Variants in APBB2 observed in about 807,000 individuals in gnomAD.
APBB2 encodes amyloid beta precursor protein binding family B member 2.
APBB2 carries 38 observed loss-of-function variants against 82.5 expected under a neutral mutation model. The ratio of observed to expected loss-of-function variants is 0.46; its 90% CI spans 0.36 to 0.60. The LOEUF is 0.60. Among genes scored for constraint, APBB2 ranks in the 20% least tolerant of loss-of-function variants. The pLI is 0.00. For synonymous variants in APBB2, 341 were observed against 368.2 expected (o/e 0.93, Z 0.85); for missense variants, 772 against 972.3 (o/e 0.79, Z 2.74).
intron 12 of APBB2, among the ~76,000 whole-genome samples, chr4:40,854,647 T>C (rs899958520): frequency 6.6e-6 from 1 of 151,658 alleles, no homozygotes; most frequent in Non-Finnish European, 1.5e-5. Context: ...AAATTAGCCA[T>C]GTGTGGTGGC....
intron 12 of APBB2, among the ~76,000 whole-genome samples, chr4:40,876,344 C>T (rs982382678): frequency 2.6e-5 from 4 of 152,196 alleles, no homozygotes; most frequent in African/African-American, 4.8e-5. Flanking sequence ...TTCTTCCTGC[C>T]TCGTTATAAT....
intron 1 of APBB2, among the ~76,000 whole-genome samples, chr4:41,179,665 C>T (rs902530129): frequency 6.6e-6 from 1 of 152,160 alleles, no homozygotes; most frequent in Non-Finnish European, 1.5e-5. Flanking sequence ...CAATTAAATG[C>T]TGGTACAAGA....
intron 6 of APBB2, among the ~76,000 whole-genome samples, chr4:41,010,971 A>T (rs778646819): frequency 1.3e-5 from 2 of 152,030 alleles, no homozygotes; most frequent in African/African-American, 4.8e-5. Flanking sequence ...TCTAATCCCA[A>T]TTATTTTGGA....
At chr4:41,191,145 A>AT (rs1774322149) in intron 1 of APBB2, among the ~76,000 whole-genome samples, 1 of 152,196 alleles carries the variant, frequency 6.6e-6, no homozygotes, top group Non-Finnish European at 1.5e-5. Context: ...GACTGATAAA[A>AT]TATTTCACTC....
chr4:41,001,261 A>G (rs1246880328), intron 6 of APBB2, among the ~76,000 whole-genome samples: 1 of 152,180 alleles, frequency 6.6e-6, no homozygotes, highest in Non-Finnish European at 1.5e-5. Context: ...AACACTCTTC[A>G]TGTCTGTTAG....
chr4:40,880,307 A>G (rs1768105930), intron 12 of APBB2: 1 of 985,426 alleles, frequency 1.0e-6, no homozygotes, highest in Non-Finnish European at 1.2e-6. Flanking sequence ...TTTCCCAGTG[A>G]CGAACTGTGC....
rs569224765 is a variant in APBB2, at chr4:41,069,475, T to C, written c.-148-3802A>G. On this transcript the variant is annotated intron_variant, in intron 3 of 17. Transcript: ENST00000508593. ...AGACAGCCTTTGTGATCTCAAAAAC[T>C]CTAAGACTGCTCTGCGGTTTGTCTA... 3.6e-4 allele frequency among the ~76,000 whole-genome samples: 55 copies of C among 152,278 alleles called. 1 individual carries two copies. In the South Asian group the frequency reaches 0.011, roughly 31 times the overall value.
At chr4:41,176,772 G>A (rs1033852923) in intron 1 of APBB2, among the ~76,000 whole-genome samples, 5 of 151,960 alleles carry the variant, frequency 3.3e-5, no homozygotes, top group African/African-American at 1.2e-4. Context: ...ACACAAGACA[G>A]CTTATTTCAT....
intron 1 of APBB2, among the ~76,000 whole-genome samples, chr4:41,198,715 C>A (rs78002397): frequency 6.6e-6 from 1 of 152,160 alleles, no homozygotes; most frequent in South Asian, 2.1e-4. Context: ...TATTCTCTCT[C>A]GGTTCTAGAA....
At chr4:41,028,236 G>A (rs146258150) in intron 5 of APBB2, among the ~76,000 whole-genome samples, 1 of 152,360 alleles carries the variant, frequency 6.6e-6, no homozygotes, top group East Asian at 1.9e-4. Flanking sequence ...AGATACCTAT[G>A]GAGCGCAGAG....
At position 40,893,425 on chromosome 4, in the gene APBB2, A is replaced by C; in HGVS notation, c.1255-14T>G. The stretch of plus-strand genomic sequence containing the variant: ...CACAGCAAAACACTGGAAGACAGTG[A>C]AAGAGGACAAGAAGTCACTCCATGG... On this transcript the variant is annotated splice_polypyrimidine_tract_variant and intron_variant, in intron 10 of 17. Coordinates refer to ENST00000508593, the MANE Select transcript of APBB2 (RefSeq NM_004307.2). 1 of 1,599,978 alleles carries C rather than the reference A, an allele frequency of 6.3e-7. No individual in the cohort carries two copies. The highest frequency in any genetic ancestry group is 8.5e-7 in the Non-Finnish European group (1 of 1,171,694).
chr4:40,973,267 C>G (rs1176419992), intron 6 of APBB2, among the ~76,000 whole-genome samples: 1 of 152,174 alleles, frequency 6.6e-6, no homozygotes, highest in Non-Finnish European at 1.5e-5. Flanking sequence ...GATATTAACA[C>G]CCCAGCTTCC....
rs1193197310 is a variant in APBB2 at position 40,811,685 on chromosome 4, G to A, written c.*4407C>T. The A allele has an allele frequency of 6.6e-6, 1 of 152,230 alleles. No individual in the cohort carries two copies. The highest frequency in any genetic ancestry group is 2.4e-5 in the African/African-American group (1 of 41,528). 9.4% of individuals were successfully genotyped at this position (152,230 alleles called of 1,614,324 possible). A position where few individuals can be genotyped will look rare whatever the true frequency, so the allele number is the denominator to read the frequency against. On this transcript the variant is annotated 3_prime_UTR_variant, in exon 18 of 18. Transcript: ENST00000508593. ...AAAATTCTAAATAATGAAATTACTAGTATTCAGATACTCCAATAGCAAACA... is the reference window on the plus strand; with the variant it reads ...AAAATTCTAAATAATGAAATTACTAATATTCAGATACTCCAATAGCAAACA...
chr4:40,902,518 C>A (rs186670581), intron 10 of APBB2, among the ~76,000 whole-genome samples: 13 of 152,176 alleles, frequency 8.5e-5, no homozygotes, highest in Admixed American at 8.5e-4. Flanking sequence ...GAAAGTCTGA[C>A]CCAGGTTTTT....
At chr4:40,881,574 CCGAGGCTGG>C (rs571392652) in intron 12 of APBB2, among the ~76,000 whole-genome samples, 3 of 128,934 alleles carry the variant, frequency 2.3e-5, no homozygotes, top group South Asian at 5.6e-4. Flanking sequence ...CGCTCTGTCA[CCGAGGCTGG>C]AATGCAGCAG....
intron 12 of APBB2, among the ~76,000 whole-genome samples, chr4:40,864,250 C>T (rs1264363796): frequency 8.9e-6 from 1 of 111,866 alleles, no homozygotes; most frequent in African/African-American, 2.9e-5. Context: ...GAGACTCCGT[C>T]TCAATAAAAA....
At chr4:40,819,174 CTCTT>C (rs1386872954) in intron 17 of APBB2, among the ~76,000 whole-genome samples, 1 of 92,650 alleles carries the variant, frequency 1.1e-5, no homozygotes, top group Non-Finnish European at 2.1e-5. Context: ...CCCCTTGGCT[CTCTT>C]TTTTTTTTTT....
At chr4:40,955,786 T>A (rs1791472079) in intron 6 of APBB2, among the ~76,000 whole-genome samples, 2 of 152,154 alleles carry the variant, frequency 1.3e-5, no homozygotes, top group South Asian at 2.1e-4. Flanking sequence ...TTCTTTTTTT[T>A]TTTCTTTGAG....
intron 2 of APBB2, among the ~76,000 whole-genome samples, chr4:41,119,336 G>A (rs1752091355): frequency 1.3e-5 from 2 of 152,024 alleles, no homozygotes; most frequent in East Asian, 3.9e-4. Context: ...TGTGTGGCAC[G>A]TGTTTTTTAA....
Sources: gnomAD v4.1 joint callset for allele counts (sites outside exome capture counted in the v4.1 genomes callset) on GRCh38, gnomAD v4.1.1 for gene constraint, MANE v1.5 for transcripts, NCBI Gene and HGNC (gene_info 2026-07-23, HGNC 2026-07-21) for gene names.